ZFHX3: variants seen among roughly 807,000 people sequenced by gnomAD.
ZFHX3 encodes the protein zinc finger homeobox protein 3.
In ZFHX3, 42 loss-of-function variants were observed where a neutral mutation model predicts 279.1. The ratio of observed to expected loss-of-function variants is 0.15; its 90% CI spans 0.12 to 0.19. The LOEUF (loss-of-function observed/expected upper bound fraction) is 0.19. Ranked by LOEUF, ZFHX3 falls within the 10% of genes least tolerant of loss-of-function variation. The pLI is 1.00. For missense variants in ZFHX3, 4,981 were observed against 4,754.0 expected (o/e 1.05, Z -1.40); for synonymous variants, 2,293 against 1,957.8 (o/e 1.17, Z -4.52).
chr16:73,213,562 T>G (rs1025196670), intron 5 of ZFHX3, among the ~76,000 whole-genome samples: 4 of 152,194 alleles, frequency 2.6e-5, no homozygotes, highest in Non-Finnish European at 5.9e-5. Context: ...TACCTACATC[T>G]CATGTAACTC....
chr16:73,843,996 C>T (rs74030907), intron 1 of ZFHX3, among the ~76,000 whole-genome samples: 2 of 152,058 alleles, frequency 1.3e-5, no homozygotes, highest in African/African-American at 4.8e-5. Context: ...TCTTAGCTGC[C>T]AGGCCATACA....
rs556989015 is a variant in ZFHX3, at chr16:73,840,752, T to C, written c.-1608+50899A>G. Among the ~76,000 whole-genome samples, 29 of 152,332 alleles carry C rather than the reference T, an allele frequency of 1.9e-4. No homozygotes were observed. The East Asian group carries it at 5.2e-3, about 27-fold the overall frequency. On this transcript the variant is annotated intron_variant, in intron 1 of 17. Coordinates refer to the ZFHX3 transcript ENST00000641206. ...TTATGCAACATGCCTATAAGCTGCCTTGTATACCACAAATTGAAGTAAGCC... is the reference window on the plus strand; with the variant it reads ...TTATGCAACATGCCTATAAGCTGCCCTGTATACCACAAATTGAAGTAAGCC...
At chr16:73,816,397 C>T (rs1340171793) in intron 1 of ZFHX3, among the ~76,000 whole-genome samples, 1 of 151,864 alleles carries the variant, frequency 6.6e-6, no homozygotes, top group Non-Finnish European at 1.5e-5. Context: ...GCAAACTAGA[C>T]CCCCCAGCCA....
At chr16:73,692,360 C>A (rs1276977130) in intron 1 of ZFHX3, among the ~76,000 whole-genome samples, 1 of 152,090 alleles carries the variant, frequency 6.6e-6, no homozygotes, top group African/African-American at 2.4e-5. Context: ...AAGGACCAGG[C>A]CAGGAGGTGT....
At chr16:73,060,185 G>T (rs1183010487), upstream of ZFHX3, 1 of 149,366 alleles carries the variant, frequency 6.7e-6, no homozygotes, top group Non-Finnish European at 1.5e-5. Flanking sequence ...AAGGCCTAGG[G>T]TGTAGAAAGG....
chr16:73,399,307 A>G (rs1217383142), intron 3 of ZFHX3, among the ~76,000 whole-genome samples: 2 of 152,166 alleles, frequency 1.3e-5, no homozygotes, highest in Non-Finnish European at 2.9e-5. Flanking sequence ...GTCACAAACG[A>G]TATGGGAACT....
In ZFHX3 at chr16:72,895,873, C is replaced by CTAGA. The variant is rs146417471; in HGVS notation, c.3217-5915_3217-5912dup. Among the ~76,000 whole-genome samples, 251 of 151,894 alleles carry CTAGA rather than the reference C, an allele frequency of 1.7e-3. 1 individual carries two copies. The highest frequency in any genetic ancestry group is 3.4e-3 in the Middle Eastern group (1 of 294). ...TAGATAAACAGATAGGTAGATTAGA[C>CTAGA]TAGATAGATAGATAGATAGACGGAT... On this transcript the variant is annotated intron_variant, in intron 3 of 9. Coordinates refer to ENST00000268489, the MANE Select transcript of ZFHX3 (RefSeq NM_006885.4).
intron 5 of ZFHX3, among the ~76,000 whole-genome samples, chr16:73,244,281 C>T (rs567523188): frequency 1.8e-3 from 268 of 152,238 alleles, no homozygotes; most frequent in African/African-American, 5.6e-3. Flanking sequence ...AGAAGGATGA[C>T]ACAGTAATCA....
intron 5 of ZFHX3, among the ~76,000 whole-genome samples, chr16:72,817,449 A>G (rs2036644024): frequency 6.6e-6 from 1 of 152,226 alleles, no homozygotes; most frequent in Non-Finnish European, 1.5e-5. Context: ...CTGGAAATGA[A>G]GTAAAACATG....
chr16:73,117,707 C>T (rs968303299), intron 7 of ZFHX3, among the ~76,000 whole-genome samples: 47 of 152,172 alleles, frequency 3.1e-4, no homozygotes, highest in Non-Finnish European at 4.4e-5. Flanking sequence ...ATGTTAAAAT[C>T]CTAACCCCTA....
intron 5 of ZFHX3, among the ~76,000 whole-genome samples, chr16:73,235,965 C>T (rs1189936039): frequency 6.6e-6 from 1 of 152,200 alleles, no homozygotes; most frequent in Non-Finnish European, 1.5e-5. Context: ...GCCATTGCAC[C>T]TGGCCCAAAT....
intron 5 of ZFHX3, among the ~76,000 whole-genome samples, chr16:73,199,947 A>G (rs879675824): frequency 1.1e-4 from 17 of 152,242 alleles, no homozygotes; most frequent in Non-Finnish European, 2.1e-4. Context: ...AGCTGGTAAC[A>G]TTGGATTTAT....
chr16:72,790,077 A>C (rs1429248192), intron 9 of ZFHX3: 5 of 152,262 alleles, frequency 3.3e-5, no homozygotes, highest in African/African-American at 9.7e-5. Context: ...CCAACCCGAG[A>C]GCCTAATACC....
At chr16:73,043,731 G>C (rs943481140) in intron 1 of ZFHX3, among the ~76,000 whole-genome samples, 8 of 152,170 alleles carry the variant, frequency 5.3e-5, no homozygotes, top group African/African-American at 1.9e-4. Context: ...ACTAAGCCTT[G>C]CTCTGCACCT....
intron 7 of ZFHX3, among the ~76,000 whole-genome samples, chr16:73,125,626 C>T (rs62052402): frequency 0.19 from 29,506 of 152,010 alleles, 3,800 homozygotes; most frequent in Middle Eastern, 0.33. Flanking sequence ...TCCCAGCGTA[C>T]ATCTTTCTCC....
chr16:73,867,726 T>A (rs1334657307), intron 1 of ZFHX3, among the ~76,000 whole-genome samples: 1 of 152,170 alleles, frequency 6.6e-6, no homozygotes, highest in Non-Finnish European at 1.5e-5. Flanking sequence ...CCCTCCCAAA[T>A]GCACTCTGAT....
At chr16:73,098,376 C>G (rs1423534489) in intron 7 of ZFHX3, among the ~76,000 whole-genome samples, 2 of 148,722 alleles carry the variant, frequency 1.3e-5, no homozygotes, top group Admixed American at 1.3e-4. Context: ...CCTGTTTTGT[C>G]TTTGAGATGG....
chr16:72,909,877 C>CAAAA (rs66982395), intron 3 of ZFHX3, among the ~76,000 whole-genome samples: 1,262 of 81,754 alleles, frequency 0.015, 17 homozygotes, highest in African/African-American at 0.032. Context: ...CACCGTGTCT[C>CAAAA]AAAAAAAAAA....
chr16:73,494,539 C>G (rs1484195601), intron 2 of ZFHX3, among the ~76,000 whole-genome samples: 1 of 152,106 alleles, frequency 6.6e-6, no homozygotes, highest in East Asian at 1.9e-4. Context: ...TAAAACTCCC[C>G]AACCCAGGGA....
Sources: allele counts gnomAD v4.1 joint callset (sites outside exome capture counted in the v4.1 genomes callset), GRCh38; gene constraint gnomAD v4.1.1; transcripts MANE v1.5; gene names NCBI Gene and HGNC (gene_info 2026-07-23, HGNC 2026-07-21).